LRMDA: variants seen among roughly 807,000 people sequenced by gnomAD.
LRMDA encodes the protein leucine rich melanocyte differentiation associated, also known as leucine-rich melanocyte differentiation-associated protein.
A neutral mutation model predicts 29.8 loss-of-function variants in LRMDA; 18 were observed. The ratio of observed to expected loss-of-function variants is 0.60; its 90% CI spans 0.42 to 0.90. The LOEUF (loss-of-function observed/expected upper bound fraction) is 0.90. Ranked by LOEUF, LRMDA falls within the 40% of genes least tolerant of loss-of-function variation. The pLI is 0.00. For synonymous variants in LRMDA, 125 were observed against 109.4 expected (o/e 1.14, Z -0.89); for missense variants, 273 against 273.9 (o/e 1.00, Z 0.02).
intron 2 of LRMDA, among the ~76,000 whole-genome samples, chr10:75,681,872 G>C (rs569413110): frequency 2.6e-5 from 4 of 152,244 alleles, no homozygotes; most frequent in Non-Finnish European, 5.9e-5. Flanking sequence ...CCAATTTCTT[G>C]ACCTAAACCG....
intron 6 of LRMDA, among the ~76,000 whole-genome samples, chr10:76,556,065 C>T (rs1843553162): frequency 6.6e-6 from 1 of 152,172 alleles, no homozygotes; most frequent in South Asian, 2.1e-4. Context: ...GATAATCCTA[C>T]AGAGCTTTCA....
chr10:75,908,812 G>A (rs1474520702), intron 2 of LRMDA, among the ~76,000 whole-genome samples: 1 of 152,206 alleles, frequency 6.6e-6, no homozygotes, highest in Non-Finnish European at 1.5e-5. Flanking sequence ...GGACTCAGAG[G>A]CATAGGCAAT....
At chr10:75,593,075 A>G (rs990410268) in intron 2 of LRMDA, among the ~76,000 whole-genome samples, 2 of 152,174 alleles carry the variant, frequency 1.3e-5, no homozygotes, top group African/African-American at 4.8e-5. Context: ...CACATTGTCA[A>G]AAAACGGAAT....
At chr10:75,714,883 T>TTCTTTCC (rs1842481611) in intron 2 of LRMDA, among the ~76,000 whole-genome samples, 3 of 114,554 alleles carry the variant, frequency 2.6e-5, no homozygotes, top group African/African-American at 1.2e-4. Flanking sequence ...TCCTTCCTTC[T>TTCTTTCC]TTCCTTCCTT....
chr10:75,837,338 G>C (rs904771132), intron 2 of LRMDA, among the ~76,000 whole-genome samples: 2 of 152,138 alleles, frequency 1.3e-5, no homozygotes, highest in African/African-American at 2.4e-5. Flanking sequence ...TCTTTGAGGA[G>C]GAGAAAGAAT....
At chr10:76,354,717 G>A (rs1841218033) in intron 6 of LRMDA, among the ~76,000 whole-genome samples, 1 of 152,116 alleles carries the variant, frequency 6.6e-6, no homozygotes, top group South Asian at 2.1e-4. Flanking sequence ...ACATATCTAT[G>A]CGGTGCATGT....
At chr10:75,824,656 C>T (rs1351807786) in intron 2 of LRMDA, among the ~76,000 whole-genome samples, 2 of 152,132 alleles carry the variant, frequency 1.3e-5, no homozygotes, top group Non-Finnish European at 2.9e-5. Flanking sequence ...GGCTTTTGCT[C>T]CCTCTTATTC....
At chr10:76,055,515 G>A (rs1848599767) in intron 4 of LRMDA, among the ~76,000 whole-genome samples, 1 of 152,202 alleles carries the variant, frequency 6.6e-6, no homozygotes, top group African/African-American at 2.4e-5. Flanking sequence ...CTTTGCCTGA[G>A]TTTTGCTTGG....
At chr10:75,951,253 ACAAGG>A (rs1442716697) in intron 2 of LRMDA, among the ~76,000 whole-genome samples, 1 of 152,238 alleles carries the variant, frequency 6.6e-6, no homozygotes, top group African/African-American at 2.4e-5. Context: ...AAGTAGTCAC[ACAAGG>A]CACTAAGTGG....
chr10:75,466,455 CT>C (rs1844651568), intron 2 of LRMDA, among the ~76,000 whole-genome samples: 1 of 152,172 alleles, frequency 6.6e-6, no homozygotes, highest in African/African-American at 2.4e-5. Context: ...CAGTTGCCCC[CT>C]GCTTTCTCTG....
At chr10:75,432,652 T>G (rs1844213957) in intron 1 of LRMDA, among the ~76,000 whole-genome samples, 1 of 152,228 alleles carries the variant, frequency 6.6e-6, no homozygotes, top group Non-Finnish European at 1.5e-5. Flanking sequence ...TCCTCTTGGA[T>G]TGCCTAAGGC....
chr10:76,533,258 A>G (rs1462942202), intron 6 of LRMDA, among the ~76,000 whole-genome samples: 2 of 152,220 alleles, frequency 1.3e-5, no homozygotes, highest in Non-Finnish European at 2.9e-5. Context: ...GATTGTGATT[A>G]TTCTAAATTT....
chr10:75,855,979 A>C (rs562267004), intron 2 of LRMDA, among the ~76,000 whole-genome samples: 2,479 of 152,248 alleles, frequency 0.016, 70 homozygotes, highest in African/African-American at 0.057. Context: ...CTTGTAGTAT[A>C]GTTTGAAGTC....
chr10:76,119,535 A>G (rs1284902344), intron 5 of LRMDA, among the ~76,000 whole-genome samples: 3 of 152,140 alleles, frequency 2.0e-5, no homozygotes, highest in Non-Finnish European at 4.4e-5. Flanking sequence ...TTTTCTGCCC[A>G]TCCTGTGACC....
At chr10:76,527,902 A>G (rs760709521) in intron 6 of LRMDA, among the ~76,000 whole-genome samples, 10 of 152,170 alleles carry the variant, frequency 6.6e-5, no homozygotes, top group Non-Finnish European at 1.3e-4. Context: ...GGAGTGTGGT[A>G]TATGTTGGAG....
At chr10:76,372,663 T>C (rs946518587) in intron 6 of LRMDA, among the ~76,000 whole-genome samples, 8 of 152,078 alleles carry the variant, frequency 5.3e-5, no homozygotes, top group African/African-American at 1.7e-4. Flanking sequence ...AAATCCTTAA[T>C]TCCCAATTCT....
At chr10:75,746,678 A>G (rs1330302463) in intron 2 of LRMDA, among the ~76,000 whole-genome samples, 2 of 152,166 alleles carry the variant, frequency 1.3e-5, no homozygotes, top group Non-Finnish European at 2.9e-5. Context: ...TTTTTCAAAT[A>G]CTTATCTGTG....
At chr10:75,623,063 T>C (rs1266520687) in intron 2 of LRMDA, among the ~76,000 whole-genome samples, 1 of 152,232 alleles carries the variant, frequency 6.6e-6, no homozygotes, top group Non-Finnish European at 1.5e-5. Context: ...TTCAAATATA[T>C]AACTCTGGGG....
At chr10:76,090,028 A>G (rs1297959996) in intron 5 of LRMDA, among the ~76,000 whole-genome samples, 2 of 152,174 alleles carry the variant, frequency 1.3e-5, no homozygotes, top group African/African-American at 2.4e-5. Flanking sequence ...CAGCTTTTCA[A>G]TGTAGTCACT....
Sources: gnomAD v4.1 joint callset for allele counts (sites outside exome capture counted in the v4.1 genomes callset) on GRCh38, gnomAD v4.1.1 for gene constraint, MANE v1.5 for transcripts, NCBI Gene and HGNC (gene_info 2026-07-23, HGNC 2026-07-21) for gene names.